Variants in MREG observed in about 807,000 individuals in gnomAD.
MREG encodes the protein dilute suppressor protein homolog.
Under a neutral mutation model 28.5 loss-of-function variants are expected in MREG, and 31 were observed. That is an observed-to-expected ratio of 1.09 (90% CI 0.82 to 1.47). The LOEUF is 1.47. Among genes scored for constraint, MREG ranks in the 40% most tolerant of loss-of-function variants. MREG has a pLI of 0.00. For missense variants in MREG, 256 were observed against 257.4 expected (o/e 0.99, Z 0.04); for synonymous variants, 106 against 95.2 (o/e 1.11, Z -0.66).
intron 2 of MREG, among the ~76,000 whole-genome samples, chr2:215,988,468 C>T (rs917607081): frequency 1.4e-4 from 21 of 152,150 alleles, no homozygotes; most frequent in Non-Finnish European, 2.6e-4. Context: ...ACGAAGTGGC[C>T]GGTTCACCAG....
intron 2 of MREG, among the ~76,000 whole-genome samples, chr2:215,988,949 G>A (rs1265067668): frequency 6.6e-6 from 1 of 152,214 alleles, no homozygotes; most frequent in Non-Finnish European, 1.5e-5. Flanking sequence ...TGGGGGAAGG[G>A]GTGGCTGTGG....
intron 1 of MREG, among the ~76,000 whole-genome samples, chr2:216,001,716 G>C (rs3770560): frequency 3.9e-5 from 6 of 152,124 alleles, no homozygotes; most frequent in Non-Finnish European, 8.8e-5. Context: ...TGTGAGAGTT[G>C]GCCTGGCTCA....
At chr2:215,994,380 G>T (rs993199728) in intron 2 of MREG, among the ~76,000 whole-genome samples, 1 of 151,684 alleles carries the variant, frequency 6.6e-6, no homozygotes, top group Non-Finnish European at 1.5e-5. Context: ...CAGGGACACG[G>T]GGAGGGGAAC....
At chr2:215,973,947 G>GCT (rs1278825517) in intron 2 of MREG, among the ~76,000 whole-genome samples, 1 of 152,164 alleles carries the variant, frequency 6.6e-6, no homozygotes, top group Non-Finnish European at 1.5e-5. Context: ...TGCAAAACAT[G>GCT]TTTTTTATGG....
downstream of MREG, among the ~76,000 whole-genome samples, chr2:215,939,819 A>G (rs1692175117): frequency 6.6e-6 from 1 of 152,258 alleles, no homozygotes; most frequent in African/African-American, 2.4e-5. Context: ...ATATGTCTCT[A>G]GAATATATGA....
intron 2 of MREG, among the ~76,000 whole-genome samples, chr2:215,970,992 T>C (rs1343322404): frequency 2.6e-5 from 4 of 152,026 alleles, no homozygotes; most frequent in Admixed American, 2.6e-4. Flanking sequence ...AGTAGGGACA[T>C]GGATGAAGCT....
upstream of MREG, among the ~76,000 whole-genome samples, chr2:216,014,942 C>T (rs1031390906): frequency 1.3e-5 from 2 of 152,034 alleles, no homozygotes; most frequent in African/African-American, 4.8e-5. Context: ...TTCTAAGAGC[C>T]GGGAATAAAG....
At chr2:216,028,579 A>G (rs1052617311) in intron 1 of MREG, among the ~76,000 whole-genome samples, 1 of 151,822 alleles carries the variant, frequency 6.6e-6, no homozygotes, top group Admixed American at 6.6e-5. Context: ...ATACAGATCA[A>G]TGGAAAAAAT....
intron 2 of MREG, among the ~76,000 whole-genome samples, chr2:215,983,279 A>G (rs1693478309): frequency 6.6e-6 from 1 of 152,234 alleles, no homozygotes; most frequent in South Asian, 2.1e-4. Flanking sequence ...TCTTGGGGAC[A>G]TATTGAGACA....
chr2:215,951,972 C>G (rs542742398), intron 2 of MREG, among the ~76,000 whole-genome samples: 2 of 152,294 alleles, frequency 1.3e-5, no homozygotes, highest in African/African-American at 4.8e-5. Flanking sequence ...TCTGCTTCTA[C>G]GGGTTTGACT....
intron 2 of MREG, among the ~76,000 whole-genome samples, chr2:215,950,119 A>G (rs1286960669): frequency 6.6e-6 from 1 of 152,206 alleles, no homozygotes; most frequent in Non-Finnish European, 1.5e-5. Flanking sequence ...GTTGCCTCGT[A>G]TGTTCACACA....
chr2:216,023,598 T>C (rs1694556023), intron 1 of MREG, among the ~76,000 whole-genome samples: 4 of 152,244 alleles, frequency 2.6e-5, no homozygotes, highest in Admixed American at 2.6e-4. Flanking sequence ...GGCCACTAGA[T>C]ATATTTCTTA....
At chr2:215,955,423 C>A (rs1016185113) in intron 2 of MREG, among the ~76,000 whole-genome samples, 1 of 152,150 alleles carries the variant, frequency 6.6e-6, no homozygotes, top group Non-Finnish European at 1.5e-5. Context: ...ATATACCACC[C>A]TTTGGGAATT....
intron 1 of MREG, among the ~76,000 whole-genome samples, chr2:216,000,465 T>C (rs1693988500): frequency 6.6e-6 from 1 of 151,966 alleles, no homozygotes; most frequent in Non-Finnish European, 1.5e-5. Flanking sequence ...GGCACAGAGC[T>C]TCCACCAAGA....
At chr2:216,031,683 G>GAAAGA (rs1553558900) in intron 1 of MREG, among the ~76,000 whole-genome samples, 5 of 53,708 alleles carry the variant, frequency 9.3e-5, no homozygotes, top group Non-Finnish European at 1.9e-4. Flanking sequence ...AAGAAAGAAA[G>GAAAGA]AAAGAAAGAG....
chr2:215,983,213 T>A (rs1015981418), intron 2 of MREG, among the ~76,000 whole-genome samples: 5 of 152,228 alleles, frequency 3.3e-5, no homozygotes, highest in Non-Finnish European at 5.9e-5. Context: ...ATGTAGCCAA[T>A]GTTCACCCAC....
At chr2:216,014,441 G>A (rs544443823), upstream of MREG, among the ~76,000 whole-genome samples, 1 of 152,230 alleles carries the variant, frequency 6.6e-6, no homozygotes, top group Non-Finnish European at 1.5e-5. Flanking sequence ...ATGAGGTCAA[G>A]AGATTGAGAC....
chr2:216,027,466 A>T (rs1422313945), intron 1 of MREG, among the ~76,000 whole-genome samples: 1 of 152,140 alleles, frequency 6.6e-6, no homozygotes, highest in Non-Finnish European at 1.5e-5. Context: ...CCAAGGTGGG[A>T]AGATCATTCG....
At chr2:215,955,308 C>T (rs1692593373) in intron 2 of MREG, among the ~76,000 whole-genome samples, 1 of 152,212 alleles carries the variant, frequency 6.6e-6, no homozygotes, top group South Asian at 2.1e-4. Context: ...TATATTCCTG[C>T]ATGTGCCTTA....
Sources: gnomAD v4.1 joint callset for allele counts (sites outside exome capture counted in the v4.1 genomes callset) on GRCh38, gnomAD v4.1.1 for gene constraint, MANE v1.5 for transcripts, NCBI Gene and HGNC (gene_info 2026-07-23, HGNC 2026-07-21) for gene names.